DMD: variants seen among roughly 807,000 people sequenced by gnomAD.
The protein encoded by DMD is dystrophin.
A neutral mutation model predicts 330.1 loss-of-function variants in DMD; 63 were observed. The ratio of observed to expected loss-of-function variants is 0.19; its 90% CI spans 0.16 to 0.24. The LOEUF (loss-of-function observed/expected upper bound fraction) is 0.24, where lower values mean the gene tolerates loss of function less well. DMD is among the 10% of genes least tolerant of loss of function. The pLI is 1.00. For synonymous variants in DMD, 1,223 were observed against 959.8 expected (o/e 1.27, Z -5.07); for missense variants, 3,344 against 2,684.1 (o/e 1.25, Z -5.43).
At chrX:32,135,013 A>G (rs1312575952) in intron 44 of DMD, among the ~76,000 whole-genome samples, 2 of 111,969 alleles carry the variant, frequency 1.8e-5, no homozygotes, top group South Asian at 3.7e-4. Context: ...AAGAATTACA[A>G]TGGGAATATA....
At chrX:32,504,060 G>A (rs936184834) in intron 18 of DMD, among the ~76,000 whole-genome samples, 1 of 111,419 alleles carries the variant, frequency 9.0e-6, no homozygotes, top group East Asian at 2.8e-4. Context: ...TTTTGGCAAA[G>A]GAACCAAGGC....
At chrX:31,486,218 C>T (rs1405454822) in intron 57 of DMD, among the ~76,000 whole-genome samples, 2 of 112,499 alleles carry the variant, frequency 1.8e-5, no homozygotes, top group African/African-American at 6.5e-5. Flanking sequence ...AAACCATAGC[C>T]ATAGCTTGGC....
intron 59 of DMD, among the ~76,000 whole-genome samples, chrX:31,477,642 G>T: frequency 9.0e-6 from 1 of 110,988 alleles, no homozygotes. Flanking sequence ...TCCAAGGGAA[G>T]GGCAACACAT....
intron 9 of DMD, among the ~76,000 whole-genome samples, chrX:32,688,645 C>G (rs1221632349): frequency 2.7e-5 from 3 of 111,263 alleles, no homozygotes; most frequent in African/African-American, 9.8e-5. Context: ...TTGAAAGTAT[C>G]TTTATTTTAG....
chrX:32,137,192 G>A (rs930010297), intron 44 of DMD, among the ~76,000 whole-genome samples: 1 of 111,396 alleles, frequency 9.0e-6, no homozygotes, highest in Non-Finnish European at 1.9e-5. Flanking sequence ...TGGAATTGCT[G>A]CTCTCATTAA....
chrX:33,281,654 A>T (rs1245562079), intron 1 of DMD, among the ~76,000 whole-genome samples: 1 of 111,055 alleles, frequency 9.0e-6, no homozygotes, highest in Non-Finnish European at 1.9e-5. Context: ...TACTCTGGAC[A>T]TTTTGTCCAT....
chrX:32,342,612 T>C (rs1232817446), intron 40 of DMD: 7 of 286,175 alleles, frequency 2.4e-5, no homozygotes, highest in African/African-American at 8.2e-5. Context: ...ACCGTCCACA[T>C]AGAATATAAT....
chrX:31,794,238 T>C (rs1344306284), intron 50 of DMD, among the ~76,000 whole-genome samples: 1 of 111,297 alleles, frequency 9.0e-6, no homozygotes, highest in African/African-American at 3.3e-5. Flanking sequence ...TTCTGAAAGA[T>C]AAACTACCTC....
At position 31,187,484 on chromosome X, in the gene DMD, C is replaced by T. The variant is rs149515494; in HGVS notation, c.9808-4580G>A. 5.3e-4 allele frequency among the ~76,000 whole-genome samples: 59 copies of T among 111,608 alleles called. 2 individuals are homozygous for T. The East Asian group carries it at 0.016, about 30-fold the overall frequency. On this transcript the variant is annotated intron_variant, in intron 67 of 78. Transcript: ENST00000357033. Reference sequence around the variant, plus strand: ...TGGATTACTTTCTTTTGTTCTGTACCGTAGGCTCACACACGGTTCCTACTC... The same window carrying T: ...TGGATTACTTTCTTTTGTTCTGTACTGTAGGCTCACACACGGTTCCTACTC...
At chrX:32,199,555 G>A (rs67854375) in intron 44 of DMD, among the ~76,000 whole-genome samples, 5 of 27,718 alleles carry the variant, frequency 1.8e-4, no homozygotes, top group Non-Finnish European at 2.7e-4. Context: ...GGTGTGAAGG[G>A]GGAGGGGTGT....
rs1160256783 is a variant in DMD at position 32,670,980 on chromosome X, C to T, written c.961-25828G>A. Among the ~76,000 whole-genome samples the T allele has an allele frequency of 3.6e-5, 4 of 109,914 alleles. No individual in the cohort carries two copies. In the East Asian group the frequency reaches 1.1e-3, roughly 32 times the overall value. On this transcript the variant is annotated intron_variant, in intron 9 of 78. Transcript: ENST00000357033. The stretch of plus-strand genomic sequence containing the variant: ...ATAATATACATATAAAGTACATTCC[C>T]CAGGGTTTGCTTAGGTTTTGATGAC...
intron 1 of DMD, among the ~76,000 whole-genome samples, chrX:33,105,504 G>GA (rs991814906): frequency 8.9e-6 from 1 of 111,828 alleles, no homozygotes; most frequent in East Asian, 2.8e-4. Context: ...CGACAGAATG[G>GA]AAAAAAATAT....
At chrX:31,379,921 G>A (rs1288247464) in intron 60 of DMD, among the ~76,000 whole-genome samples, 1 of 111,445 alleles carries the variant, frequency 9.0e-6, no homozygotes, top group Non-Finnish European at 1.9e-5. Context: ...CTGGAACTCT[G>A]GCCCAAGGCT....
intron 7 of DMD, among the ~76,000 whole-genome samples, chrX:32,732,935 G>A (rs1432091827): frequency 1.3e-4 from 14 of 111,182 alleles, no homozygotes; most frequent in Non-Finnish European, 1.7e-4. Flanking sequence ...ATGTAAATGG[G>A]CTAAATGCTC....
At chrX:32,356,400 A>C (rs895954902) in intron 37 of DMD, among the ~76,000 whole-genome samples, 3 of 107,925 alleles carry the variant, frequency 2.8e-5, no homozygotes, top group African/African-American at 1.0e-4. Context: ...AAAAAAAAAA[A>C]AAAAAACTTG....
At chrX:31,634,495 T>C (rs1469699548) in intron 54 of DMD, among the ~76,000 whole-genome samples, 8 of 111,791 alleles carry the variant, frequency 7.2e-5, no homozygotes, top group Non-Finnish European at 3.8e-5. Context: ...CCTCCAAAGA[T>C]AAACCACAGC....
intron 7 of DMD, among the ~76,000 whole-genome samples, chrX:32,721,315 A>G (rs899469271): frequency 1.8e-5 from 2 of 110,285 alleles, no homozygotes; most frequent in Non-Finnish European, 3.8e-5. Context: ...TCTAATTTAC[A>G]CCGACACCAG....
At chrX:33,067,791 G>T (rs1295924805) in intron 1 of DMD, among the ~76,000 whole-genome samples, 1 of 110,371 alleles carries the variant, frequency 9.1e-6, no homozygotes, top group Non-Finnish European at 1.9e-5. Flanking sequence ...GTTGCAGTGA[G>T]CCGAGATCAC....
At chrX:32,691,502 AT>A (rs2063278554) in intron 9 of DMD, among the ~76,000 whole-genome samples, 1 of 111,628 alleles carries the variant, frequency 9.0e-6, no homozygotes, top group African/African-American at 3.3e-5. Flanking sequence ...GATGCCTACT[AT>A]TAAAAAATGG....
Sources: gnomAD v4.1 joint callset for allele counts (sites outside exome capture counted in the v4.1 genomes callset) on GRCh38, gnomAD v4.1.1 for gene constraint, MANE v1.5 for transcripts, NCBI Gene and HGNC (gene_info 2026-07-23, HGNC 2026-07-21) for gene names.